SLF1: variants seen among roughly 807,000 people sequenced by gnomAD.
SLF1 encodes the protein SMC5-SMC6 complex localization factor protein 1.
Under a neutral mutation model 123.0 loss-of-function variants are expected in SLF1, and 105 were observed. That is an observed-to-expected ratio of 0.85 (90% CI 0.73 to 1.00). The LOEUF (loss-of-function observed/expected upper bound fraction) is 1.00. SLF1 is among the 50% of genes least tolerant of loss of function. The probability of loss-of-function intolerance (pLI) is 0.00; values close to 1 mark genes in which losing one functional copy is unlikely to be tolerated. For synonymous variants in SLF1, 434 were observed against 406.6 expected (o/e 1.07, Z -0.81); for missense variants, 1,239 against 1,223.0 (o/e 1.01, Z -0.20).
chr5:94,653,250 ATT>A lies in SLF1; in HGVS notation c.883-21_883-20del. On this transcript the variant is annotated intron_variant, in intron 7 of 20. Coordinates refer to ENST00000265140, the MANE Select transcript of SLF1 (RefSeq NM_032290.4). ...CATATGTCATTGATGTTGAGATTTA[ATT>A]GTGGTCTAAATACATGTAGAAGGAA... 6.7e-7 allele frequency: 1 copy of A among 1,493,894 alleles called. No individual in the cohort carries two copies. The highest frequency in any genetic ancestry group is 8.9e-7 in the Non-Finnish European group (1 of 1,118,152). The allele number at this position is 1,493,894 out of a possible 1,614,324, so 92.5% of individuals were successfully genotyped here. A position where few individuals can be genotyped will look rare whatever the true frequency, so the allele number is the denominator to read the frequency against.
chr5:94,689,547 C>A lies in SLF1; in HGVS notation c.2360C>A (p.Ser787Tyr). 6.2e-7 allele frequency: 1 copy of A among 1,611,576 alleles called. No individual in the cohort carries two copies. Among genetic ancestry groups the A allele is most frequent in the Non-Finnish European group, 8.5e-7 (1 of 1,178,128 alleles). ...KKKSEGELSCSKENCPSVVKK... is the reference protein window; with the variant it reads ...KKKSEGELSCYKENCPSVVKK... ...AAGTCAGAAGGAGAATTGTCATGTT[C>A]CAAGGAGAATTGCCCCTCTGTAGTT... is the stretch of plus-strand genomic sequence containing the variant. The change falls in exon 18 of 21, where the codon TCC becomes TAC. Residue 787 changes from serine to tyrosine, a missense_variant. Physicochemically the swap from Ser to Tyr is moderately radical, Grantham distance 144. Transcript: ENST00000265140.
rs1406053420 is a variant in SLF1 at position 94,688,486 on chromosome 5, G to A, written c.2122-20G>A. On this transcript the variant is annotated intron_variant, in intron 16 of 20. Transcript: ENST00000265140. ...CTGTTTTTGTAGTTGAGAAAATAAT[G>A]CAATATTATTTTTCAACAGGTATAT... The A allele has an allele frequency of 1.0e-5, 16 of 1,603,204 alleles. No homozygotes were observed. The highest frequency in any genetic ancestry group is 1.4e-5 in the Non-Finnish European group (16 of 1,172,170).
intron 1 of SLF1, among the ~76,000 whole-genome samples, chr5:94,621,858 G>C (rs1791818235): frequency 6.6e-6 from 1 of 150,658 alleles, no homozygotes; most frequent in Admixed American, 6.6e-5. Context: ...ATCACTGGAT[G>C]CTTCTGTCAA....
At chr5:94,640,021 C>T (rs1001424894) in intron 4 of SLF1, among the ~76,000 whole-genome samples, 3 of 152,304 alleles carry the variant, frequency 2.0e-5, no homozygotes, top group East Asian at 1.9e-4. Context: ...TTTTGCTAGT[C>T]ATTTACTTTT....
At position 94,678,810 on chromosome 5, in the gene SLF1, C is replaced by T; in HGVS notation, c.1830C>T (p.Val610=). 2 of 1,610,730 alleles carry T rather than the reference C, an allele frequency of 1.2e-6. No individual in the cohort carries two copies. Among genetic ancestry groups the T allele is most frequent in the East Asian group, 4.5e-5 (2 of 44,748 alleles). ...SHKEKFKSND[V]FKHELAYLLA... Reference sequence around the variant, plus strand: ...ATTTTTTTGTATCTTAATGTTAGGTCTTCAAACATGAACTAGCTTACTTAT... The same window carrying T: ...ATTTTTTTGTATCTTAATGTTAGGTTTTCAAACATGAACTAGCTTACTTAT... Residue 610 remains valine (V), a splice_region_variant and synonymous_variant, in exon 15 of 21, where the codon GTC becomes GTT. Transcript: ENST00000265140.
intron 4 of SLF1, among the ~76,000 whole-genome samples, chr5:94,639,733 A>G (rs1484271369): frequency 6.6e-6 from 1 of 152,234 alleles, no homozygotes; most frequent in East Asian, 1.9e-4. Context: ...TATATTTACT[A>G]TTCATTAAGT....
intron 14 of SLF1, among the ~76,000 whole-genome samples, chr5:94,676,146 A>G (rs565396465): frequency 3.3e-4 from 51 of 152,250 alleles, no homozygotes; most frequent in African/African-American, 1.2e-3. Context: ...ATTCAGATAC[A>G]TATTATGTTG....
At chr5:94,678,103 G>A (rs1651991602) in intron 14 of SLF1, among the ~76,000 whole-genome samples, 1 of 151,976 alleles carries the variant, frequency 6.6e-6, no homozygotes. Flanking sequence ...TGTATTTTTA[G>A]TAGAGACGGG....
At chr5:94,619,528 A>G (rs1385444478) in intron 1 of SLF1, among the ~76,000 whole-genome samples, 4 of 152,172 alleles carry the variant, frequency 2.6e-5, no homozygotes, top group African/African-American at 9.7e-5. Flanking sequence ...GGTACTTCAT[A>G]TCATTATTTG....
chr5:94,688,381 G>A lies in SLF1; in HGVS notation c.2122-125G>A, dbSNP rs1752690604. 4.4e-6 allele frequency: 4 copies of A among 914,134 alleles called. No homozygotes were observed. In the South Asian group the frequency reaches 7.6e-5, roughly 17 times the overall value. 56.6% of individuals were successfully genotyped at this position (914,134 alleles called of 1,614,324 possible). ...TATTTTATTATGTTCAACCAAGATA[G>A]AGTGGCAACCATAGTGATGCAACCA... On this transcript the variant is annotated intron_variant, in intron 16 of 20. Transcript: ENST00000265140.
Position 94,662,281 on chromosome 5 carries a change from TG to T in SLF1, c.1156-15del. On this transcript the variant is annotated splice_polypyrimidine_tract_variant and intron_variant, in intron 9 of 20. Transcript: ENST00000265140. ...ATCTTAAAATGTTGTTTTAATTATA[TG>T]GTTGCTCTTTTGTAGGCTGTCAGAT... 1 of 1,537,236 alleles carries T rather than the reference TG, an allele frequency of 6.5e-7. No homozygotes were observed. The highest frequency in any genetic ancestry group is 2.0e-5 in the Admixed American group (1 of 49,338).
In SLF1 at chr5:94,678,947, C is replaced by G. The variant is rs752273046; in HGVS notation, c.1967C>G (p.Ser656Trp). ...SDDLGSYVSL[S>W]CDDFSSQELE... ...GACTTAGGAAGTTATGTTTCTCTTT[C>G]GTGTGATGGTAAGTTTGTCTATGTT... Residue 656 changes from serine to tryptophan, a missense_variant, in exon 15 of 21, where the codon TCG becomes TGG. By Grantham distance (177) the Ser-to-Trp change is radical (BLOSUM62 -3). Transcript: ENST00000265140. The G allele has an allele frequency of 1.2e-6, 2 of 1,612,310 alleles. No individual in the cohort carries two copies. The highest frequency in any genetic ancestry group is 3.3e-5 in the Admixed American group (2 of 59,902).
intron 5 of SLF1, among the ~76,000 whole-genome samples, chr5:94,646,182 G>A (rs1381757059): frequency 6.6e-6 from 1 of 152,164 alleles, no homozygotes; most frequent in Non-Finnish European, 1.5e-5. Flanking sequence ...GGATGTTGAG[G>A]CTGCAGTTAG....
At chr5:94,638,555 G>C (rs1746076664) in intron 4 of SLF1, among the ~76,000 whole-genome samples, 1 of 152,210 alleles carries the variant, frequency 6.6e-6, no homozygotes, top group South Asian at 2.1e-4. Context: ...GGTGACACAT[G>C]AGTGGACTTC....
upstream of SLF1, chr5:94,618,311 A>G (rs392632): frequency 0.04 from 6,045 of 152,478 alleles, 236 homozygotes; most frequent in African/African-American, 0.1. Flanking sequence ...TTGCGAGTGG[A>G]TAAGACGGTA....
intron 1 of SLF1, among the ~76,000 whole-genome samples, chr5:94,627,888 C>T (rs1310850816): frequency 2.0e-5 from 3 of 149,350 alleles, no homozygotes; most frequent in Admixed American, 1.3e-4. Flanking sequence ...GGAGTGCAAT[C>T]GCGTGATCTC....
rs1753104831 is a variant in SLF1 at position 94,692,065 on chromosome 5, C to T, written c.2513-9C>T. On this transcript the variant is annotated splice_polypyrimidine_tract_variant and intron_variant, in intron 19 of 20. Coordinates refer to ENST00000265140, the MANE Select transcript of SLF1 (RefSeq NM_032290.4). ...GCTGTTTTAAAACTTGCCTTGATTTCTAATTTAGACAATGCTGGCTGGACG... is the reference window on the plus strand; with the variant it reads ...GCTGTTTTAAAACTTGCCTTGATTTTTAATTTAGACAATGCTGGCTGGACG... 3.7e-6 allele frequency: 6 copies of T among 1,611,536 alleles called. No individual in the cohort carries two copies. The South Asian group carries it at 6.6e-5, about 18-fold the overall frequency.
chr5:94,682,775 A>G (rs1751961796), intron 15 of SLF1, among the ~76,000 whole-genome samples: 1 of 152,218 alleles, frequency 6.6e-6, no homozygotes, highest in South Asian at 2.1e-4. Context: ...AGCTCAAATT[A>G]TCTGAAATTT....
chr5:94,670,053 T>A, intron 12 of SLF1, 98 bp from the exon 13 acceptor site: 1 of 1,187,434 alleles, frequency 8.4e-7, no homozygotes. Flanking sequence ...AAAATTTTAT[T>A]AAAATTCCAG....
Sources: gnomAD v4.1 joint callset for allele counts (sites outside exome capture counted in the v4.1 genomes callset) on GRCh38, gnomAD v4.1.1 for gene constraint, MANE v1.5 for transcripts, NCBI Gene and HGNC (gene_info 2026-07-23, HGNC 2026-07-21) for gene names.